The following EIF5B variants were observed in gnomAD, a reference collection of about 807,000 sequenced individuals.
The protein encoded by EIF5B is eIF-5B.
EIF5B carries 47 observed loss-of-function variants against 147.5 expected under a neutral mutation model. That is an observed-to-expected ratio of 0.32 (90% CI 0.25 to 0.41). The LOEUF (loss-of-function observed/expected upper bound fraction) is 0.41, where lower values mean the gene tolerates loss of function less well. EIF5B is among the 10% of genes least tolerant of loss of function. The pLI, the probability that EIF5B is intolerant of heterozygous loss-of-function variation, is 1.00. For missense variants in EIF5B, 1,064 were observed against 1,413.2 expected (o/e 0.75, Z 3.96); for synonymous variants, 455 against 456.2 (o/e 1.00, Z 0.03).
At chr2:99,378,858 T>C (rs993737974) in intron 10 of EIF5B, among the ~76,000 whole-genome samples, 161 bp from the exon 11 acceptor site, 1 of 152,228 alleles carries the variant, frequency 6.6e-6, no homozygotes, top group Non-Finnish European at 1.5e-5. Flanking sequence ...GGGAATTCGA[T>C]TGTAAAGTTC....
Position 99,369,494 on chromosome 2 carries a change from A to C in EIF5B, c.1477+13A>C. On this transcript the variant is annotated intron_variant, in intron 8 of 23. Transcript: ENST00000289371. ...CCTGTTGAACCAGGCGGGTAGTGTTATCTGATTATTTAATTAGTGAATTCT... is the reference window on the plus strand; with the variant it reads ...CCTGTTGAACCAGGCGGGTAGTGTTCTCTGATTATTTAATTAGTGAATTCT... The C allele has an allele frequency of 1.3e-6, 2 of 1,590,584 alleles. No homozygotes were observed. The highest frequency in any genetic ancestry group is 2.2e-5 in the South Asian group (2 of 88,916).
At chr2:99,378,872 T>G in intron 10 of EIF5B, 147 bp from the exon 11 acceptor site, 1 of 590,034 alleles carries the variant, frequency 1.7e-6, no homozygotes. Context: ...AAAGTTCACA[T>G]TATAAATTCC....
chr2:99,356,710 T>C (rs1219492212), intron 1 of EIF5B, among the ~76,000 whole-genome samples: 1 of 152,170 alleles, frequency 6.6e-6, no homozygotes, highest in Non-Finnish European at 1.5e-5. Flanking sequence ...CATTACACAG[T>C]GCTCCAGGCT....
At chr2:99,386,718 G>A (rs905869933) in intron 14 of EIF5B, among the ~76,000 whole-genome samples, 1 of 149,424 alleles carries the variant, frequency 6.7e-6, no homozygotes, top group Non-Finnish European at 1.5e-5. Flanking sequence ...TGGGGGGCGG[G>A]GGGGCGGTGT....
intron 1 of EIF5B, among the ~76,000 whole-genome samples, chr2:99,356,161 C>G (rs1167271705): frequency 1.3e-5 from 2 of 152,176 alleles, no homozygotes; most frequent in African/African-American, 4.8e-5. Flanking sequence ...TACATTTAGT[C>G]AGCATTTATC....
At chr2:99,349,358 T>C (rs2094279356) in intron 1 of EIF5B, among the ~76,000 whole-genome samples, 1 of 152,232 alleles carries the variant, frequency 6.6e-6, no homozygotes, top group Non-Finnish European at 1.5e-5. Flanking sequence ...TGTCTAACTT[T>C]ACATTCATTA....
At chr2:99,339,226 T>A (rs894761184) in intron 1 of EIF5B, among the ~76,000 whole-genome samples, 6 of 151,876 alleles carry the variant, frequency 4.0e-5, no homozygotes, top group Non-Finnish European at 8.8e-5. Context: ...TTGGTCAGGC[T>A]GGTCTCGAAC....
chr2:99,372,094 G>A (rs1207384829), intron 9 of EIF5B, among the ~76,000 whole-genome samples: 3 of 152,030 alleles, frequency 2.0e-5, no homozygotes, highest in African/African-American at 4.8e-5. Context: ...GAAAGTAAAC[G>A]TTTTTGTCAT....
intron 17 of EIF5B, among the ~76,000 whole-genome samples, chr2:99,392,646 T>G (rs1674961557): frequency 6.6e-6 from 1 of 152,230 alleles, no homozygotes; most frequent in South Asian, 2.1e-4. Context: ...TGGCCATTTA[T>G]TTCCTCCTTC....
chr2:99,377,427 G>A (rs576999552), intron 10 of EIF5B, among the ~76,000 whole-genome samples: 36 of 151,296 alleles, frequency 2.4e-4, no homozygotes, highest in African/African-American at 8.3e-4. Flanking sequence ...TGTTGTTGGG[G>A]ACAGGGACTG....
At chr2:99,369,593 G>T in intron 8 of EIF5B, 112 bp downstream of exon 8, 1 of 736,262 alleles carries the variant, frequency 1.4e-6, no homozygotes, top group Non-Finnish European at 2.1e-6. Flanking sequence ...ATAAGTATCT[G>T]GCTGGATGGC....
At chr2:99,383,000 ACTTAC>A (rs1674723265) in intron 14 of EIF5B, 79 bp downstream of exon 14, 1 of 1,416,152 alleles carries the variant, frequency 7.1e-7, no homozygotes, top group Non-Finnish European at 9.4e-7. Flanking sequence ...AGTATAATTA[ACTTAC>A]AAGCATAGCT....
At chr2:99,351,406 T>G (rs932213119) in intron 1 of EIF5B, among the ~76,000 whole-genome samples, 1 of 152,240 alleles carries the variant, frequency 6.6e-6, no homozygotes, top group Non-Finnish European at 1.5e-5. Context: ...CGAGTAAAGC[T>G]GCAATGAACA....
intron 1 of EIF5B, among the ~76,000 whole-genome samples, chr2:99,343,686 C>T (rs1360842162): frequency 6.6e-6 from 1 of 151,502 alleles, no homozygotes; most frequent in East Asian, 2.0e-4. Context: ...TGGTAGCACG[C>T]GCCTGTAGTC....
At chr2:99,378,930 A>C (rs1674617380) in intron 10 of EIF5B, 89 bp from the exon 11 acceptor site, 2 of 1,021,086 alleles carry the variant, frequency 2.0e-6, no homozygotes, top group Non-Finnish European at 2.7e-6. Context: ...AGGTTGTAGC[A>C]TTCTTTTGCC....
intron 8 of EIF5B, 124 bp downstream of exon 8, chr2:99,369,605 CTCTT>C: frequency 1.5e-6 from 1 of 649,902 alleles, no homozygotes; most frequent in Non-Finnish European, 2.5e-6. Context: ...CTGGATGGCC[CTCTT>C]TCTTCATAGT....
chr2:99,394,955 G>C, intron 21 of EIF5B, 72 bp downstream of exon 21: 1 of 1,397,628 alleles, frequency 7.2e-7, no homozygotes, highest in Non-Finnish European at 9.6e-7. Flanking sequence ...ATTCCAGAAA[G>C]GGCTGTAAAC....
At chr2:99,396,983 T>G (rs986766283) in intron 22 of EIF5B, 85 bp downstream of exon 22, 1 of 1,475,218 alleles carries the variant, frequency 6.8e-7, no homozygotes, top group African/African-American at 1.4e-5. Context: ...GCTTTGTGCC[T>G]GTAGTTCACA....
chr2:99,381,441 G>C (rs1199475324), intron 12 of EIF5B, among the ~76,000 whole-genome samples: 1 of 151,822 alleles, frequency 6.6e-6, no homozygotes, highest in Non-Finnish European at 1.5e-5. Flanking sequence ...TTTTGATGTA[G>C]ATCAGGATAC....
Sources: gnomAD v4.1 joint callset for allele counts (sites outside exome capture counted in the v4.1 genomes callset) on GRCh38, gnomAD v4.1.1 for gene constraint, MANE v1.5 for transcripts, NCBI Gene and HGNC (gene_info 2026-07-23, HGNC 2026-07-21) for gene names.